The following OPCML variants were observed in gnomAD, a reference collection of about 807,000 sequenced individuals.
OPCML encodes opioid binding protein/cell adhesion molecule like, also known as opioid-binding protein/cell adhesion molecule.
A neutral mutation model predicts 37.8 loss-of-function variants in OPCML; 13 were observed. That is an observed-to-expected ratio of 0.34 (90% CI 0.22 to 0.55). OPCML has a LOEUF of 0.55. Ranked by LOEUF, OPCML falls within the 20% of genes least tolerant of loss-of-function variation. OPCML has a pLI of 0.91. For synonymous variants in OPCML, 176 were observed against 168.8 expected (o/e 1.04, Z -0.33); for missense variants, 341 against 435.6 (o/e 0.78, Z 1.93).
Position 132,501,633 on chromosome 11 carries a change from A to G in OPCML, c.505+27428T>C, listed in dbSNP as rs142169455. 5.4e-3 allele frequency among the ~76,000 whole-genome samples: 821 copies of G among 152,328 alleles called. 12 individuals carry two copies. Among genetic ancestry groups the G allele is most frequent in the African/African-American group, 0.019 (782 of 41,580 alleles). ...AACTATGGTAGAAATAATCACCATA[A>G]TAGTCATATGGTTGCACTAACTCCT... On this transcript the variant is annotated intron_variant, in intron 4 of 7. Coordinates refer to ENST00000524381, the MANE Select transcript of OPCML (RefSeq NM_001012393.5).
chr11:132,794,971 T>C (rs564947002), intron 2 of OPCML, among the ~76,000 whole-genome samples: 173 of 150,902 alleles, frequency 1.1e-3, no homozygotes, highest in African/African-American at 4.1e-3. Context: ...TTATTTATGG[T>C]CCCATAAATG....
At chr11:133,510,644 C>A (rs554511432) in intron 1 of OPCML, among the ~76,000 whole-genome samples, 3 of 152,126 alleles carry the variant, frequency 2.0e-5, no homozygotes, top group African/African-American at 7.2e-5. Flanking sequence ...GTGGTCAAGA[C>A]CTTTGTGCCA....
intron 2 of OPCML, among the ~76,000 whole-genome samples, chr11:132,765,886 G>C (rs1946426703): frequency 6.6e-6 from 1 of 152,120 alleles, no homozygotes; most frequent in African/African-American, 2.4e-5. Context: ...TTCAGGACTG[G>C]AAAGAGAAGG....
chr11:133,266,204 G>A (rs967398778), intron 1 of OPCML, among the ~76,000 whole-genome samples: 2 of 152,172 alleles, frequency 1.3e-5, no homozygotes, highest in African/African-American at 2.4e-5. Context: ...AACGAACTGA[G>A]GTGGCTTCCA....
At chr11:133,121,702 T>C (rs995772242) in intron 1 of OPCML, among the ~76,000 whole-genome samples, 1 of 152,222 alleles carries the variant, frequency 6.6e-6, no homozygotes, top group African/African-American at 2.4e-5. Flanking sequence ...TAATTTACAC[T>C]TGATAACACT....
intron 2 of OPCML, among the ~76,000 whole-genome samples, chr11:132,881,040 A>C (rs1175108334): frequency 6.6e-6 from 1 of 152,242 alleles, no homozygotes; most frequent in Non-Finnish European, 1.5e-5. Context: ...GTGGTCACTC[A>C]CATGACATAG....
chr11:132,899,611 G>A (rs1028155950), intron 2 of OPCML, among the ~76,000 whole-genome samples: 1 of 152,090 alleles, frequency 6.6e-6, no homozygotes, highest in African/African-American at 2.4e-5. Flanking sequence ...GTGGACCTGT[G>A]ATGATTAACT....
At chr11:133,181,221 A>T (rs1457368885) in intron 1 of OPCML, among the ~76,000 whole-genome samples, 2 of 152,190 alleles carry the variant, frequency 1.3e-5, no homozygotes, top group Non-Finnish European at 2.9e-5. Flanking sequence ...GAACCTACAC[A>T]TGAGAAAACT....
intron 1 of OPCML, among the ~76,000 whole-genome samples, chr11:133,070,106 G>T (rs1364536312): frequency 1.3e-5 from 2 of 152,316 alleles, no homozygotes; most frequent in African/African-American, 4.8e-5. Flanking sequence ...GGTGGGGCAA[G>T]AGAGTCCGTT....
intron 1 of OPCML, among the ~76,000 whole-genome samples, chr11:133,088,316 CTTAG>C (rs1948848867): frequency 6.6e-6 from 1 of 152,186 alleles, no homozygotes; most frequent in South Asian, 2.1e-4. Flanking sequence ...TTGCCTCTAA[CTTAG>C]TTAATTTAGC....
At chr11:133,304,473 C>A (rs1014789428) in intron 1 of OPCML, among the ~76,000 whole-genome samples, 1 of 152,152 alleles carries the variant, frequency 6.6e-6, no homozygotes, top group Non-Finnish European at 1.5e-5. Context: ...GATGCAAAAG[C>A]AATGCCAGAG....
chr11:133,332,006 C>A (rs1217232516), intron 1 of OPCML, among the ~76,000 whole-genome samples: 1 of 152,100 alleles, frequency 6.6e-6, no homozygotes, highest in East Asian at 1.9e-4. Flanking sequence ...AGCATAGAAT[C>A]TGTAAATTGC....
intron 1 of OPCML, among the ~76,000 whole-genome samples, chr11:132,997,657 A>T (rs2136836127): frequency 6.6e-6 from 1 of 152,232 alleles, no homozygotes; most frequent in Non-Finnish European, 1.5e-5. Flanking sequence ...ATCACCATCC[A>T]CCATGGACTC....
intron 1 of OPCML, among the ~76,000 whole-genome samples, chr11:133,239,354 A>G (rs1940639852): frequency 6.6e-6 from 1 of 152,240 alleles, no homozygotes; most frequent in South Asian, 2.1e-4. Context: ...AGTCCAATAC[A>G]GACCAGACCT....
intron 1 of OPCML, among the ~76,000 whole-genome samples, chr11:133,087,164 C>G (rs1014637704): frequency 1.9e-4 from 29 of 152,196 alleles, no homozygotes; most frequent in Non-Finnish European, 3.4e-4. Flanking sequence ...AGAGCTGAGG[C>G]TAGGACTGAA....
intron 1 of OPCML, among the ~76,000 whole-genome samples, chr11:133,021,581 G>C (rs530176512): frequency 3.3e-5 from 5 of 152,180 alleles, no homozygotes; most frequent in Non-Finnish European, 7.3e-5. Context: ...CCTGTGCTAC[G>C]GGCAGGAGGG....
chr11:133,035,804 A>C (rs1466988836), intron 1 of OPCML, among the ~76,000 whole-genome samples: 1 of 152,124 alleles, frequency 6.6e-6, no homozygotes, highest in Non-Finnish European at 1.5e-5. Context: ...TGGACACATA[A>C]ATGAGTATGC....
chr11:133,344,385 C>T (rs564873351), intron 1 of OPCML, among the ~76,000 whole-genome samples: 1 of 152,314 alleles, frequency 6.6e-6, no homozygotes. Context: ...CTACTCTTGG[C>T]TACCTAATGT....
At chr11:133,278,328 A>G (rs1942048997) in intron 1 of OPCML, among the ~76,000 whole-genome samples, 1 of 151,940 alleles carries the variant, frequency 6.6e-6, no homozygotes, top group Non-Finnish European at 1.5e-5. Context: ...TTTCTTTTTT[A>G]GGGGGGGTTA....
Sources: gnomAD v4.1 joint callset for allele counts (sites outside exome capture counted in the v4.1 genomes callset) on GRCh38, gnomAD v4.1.1 for gene constraint, MANE v1.5 for transcripts, NCBI Gene and HGNC (gene_info 2026-07-23, HGNC 2026-07-21) for gene names.